The following ADH7 variants were observed in gnomAD, a reference collection of about 807,000 sequenced individuals.
ADH7 encodes all-trans-retinol dehydrogenase [NAD(+)] ADH7.
Under a neutral mutation model 34.4 loss-of-function variants are expected in ADH7, and 41 were observed. That is an observed-to-expected ratio of 1.19 (90% CI 0.93 to 1.55). The LOEUF (loss-of-function observed/expected upper bound fraction) is 1.55. Among genes scored for constraint, ADH7 ranks in the 40% most tolerant of loss-of-function variants. The probability of loss-of-function intolerance (pLI) is 0.00; values close to 1 mark genes in which losing one functional copy is unlikely to be tolerated. For missense variants in ADH7, 540 were observed against 461.2 expected (o/e 1.17, Z -1.56); for synonymous variants, 180 against 160.9 (o/e 1.12, Z -0.90).
chr4:99,432,071 G>A (rs538043480), intron 1 of ADH7, among the ~76,000 whole-genome samples: 13 of 152,100 alleles, frequency 8.5e-5, no homozygotes, highest in Admixed American at 6.6e-4. Context: ...CAACCTAAGC[G>A]CCCATTAATG....
intron 8 of ADH7, 184 bp downstream of exon 8, chr4:99,415,294 T>G (rs1721490484): frequency 1.6e-6 from 1 of 612,786 alleles, no homozygotes; most frequent in Non-Finnish European, 2.6e-6. Context: ...TCGGGCAGTT[T>G]TTTTTTTTTA....
At chr4:99,413,848 A>G (rs1721460416) in intron 8 of ADH7, among the ~76,000 whole-genome samples, 1 of 152,176 alleles carries the variant, frequency 6.6e-6, no homozygotes, top group African/African-American at 2.4e-5. Flanking sequence ...AAGGCTTAGA[A>G]TTGGTTTGTA....
At chr4:99,422,906 T>C (rs1055789139) in intron 5 of ADH7, among the ~76,000 whole-genome samples, 4 of 149,446 alleles carry the variant, frequency 2.7e-5, no homozygotes, top group Non-Finnish European at 4.5e-5. Flanking sequence ...CTTTAAGTTT[T>C]AGGGTACATG....
chr4:99,424,822 C>G (rs1443861916), intron 5 of ADH7, among the ~76,000 whole-genome samples: 8 of 152,090 alleles, frequency 5.3e-5, no homozygotes, highest in Non-Finnish European at 1.0e-4. Context: ...CATCTGCAAA[C>G]AGGGACAATT....
intron 7 of ADH7, 166 bp from the exon 8 acceptor site, chr4:99,415,782 T>C: frequency 1.6e-6 from 1 of 614,866 alleles, no homozygotes; most frequent in Non-Finnish European, 2.6e-6. Context: ...GAAACAAAAG[T>C]TATGCAGCCA....
intron 5 of ADH7, among the ~76,000 whole-genome samples, chr4:99,423,997 T>C (rs1423214294): frequency 2.0e-5 from 3 of 151,796 alleles, no homozygotes; most frequent in Non-Finnish European, 4.4e-5. Flanking sequence ...TCTTCTAGGG[T>C]TTTTATGGTT....
intron 1 of ADH7, 28 bp from the exon 2 acceptor site, chr4:99,429,661 G>A: frequency 5.9e-6 from 9 of 1,531,160 alleles, no homozygotes; most frequent in Non-Finnish European, 8.1e-6. Flanking sequence ...ATTATAATGG[G>A]TCTGAATTAT....
In ADH7 at chr4:99,420,645, G is replaced by T; in HGVS notation, c.713C>A (p.Thr238Asn). Reference protein sequence around the residue: ...KFEKAMAVGATECISPKDSTK... With the variant: ...KFEKAMAVGANECISPKDSTK... ...AGAGTCCTTGGGACTGATACACTCAGTGGCACCTACAGCCATGGCCTTCTC... is the reference window on the plus strand; with the variant it reads ...AGAGTCCTTGGGACTGATACACTCATTGGCACCTACAGCCATGGCCTTCTC... The change falls in exon 6 of 9, where the codon ACT becomes AAT. Residue 238 changes from threonine to asparagine, a missense_variant. Transcript: ENST00000437033. The T allele has an allele frequency of 6.2e-7, 1 of 1,613,936 alleles. No individual in the cohort carries two copies. The highest frequency in any genetic ancestry group is 8.5e-7 in the Non-Finnish European group (1 of 1,179,934).
chr4:99,428,728 C>T (rs1721874537), intron 2 of ADH7, 98 bp from the exon 3 acceptor site: 4 of 1,436,744 alleles, frequency 2.8e-6, no homozygotes, highest in African/African-American at 1.4e-5. Context: ...ATTGTTTAAT[C>T]AATATCTTTG....
At chr4:99,415,935 A>G (rs1200031434) in intron 7 of ADH7, 1 of 186,046 alleles carries the variant, frequency 5.4e-6, no homozygotes, top group Non-Finnish European at 1.1e-5. Context: ...GAACACATGG[A>G]CACAGGGAGG....
intron 5 of ADH7, among the ~76,000 whole-genome samples, chr4:99,423,718 T>C (rs181206544): frequency 0.049 from 7,489 of 152,276 alleles, 272 homozygotes; most frequent in Middle Eastern, 0.082. Flanking sequence ...CACTTTTTGA[T>C]GGGGTTGTTT....
At chr4:99,434,627 CTG>C (rs1722006548) in intron 1 of ADH7, among the ~76,000 whole-genome samples, 1 of 152,004 alleles carries the variant, frequency 6.6e-6, no homozygotes, top group African/African-American at 2.4e-5. Flanking sequence ...TCTGCTAACT[CTG>C]TTGTTTTTAG....
intron 5 of ADH7, among the ~76,000 whole-genome samples, chr4:99,422,647 T>C (rs1457634815): frequency 6.6e-6 from 1 of 152,074 alleles, no homozygotes; most frequent in Non-Finnish European, 1.5e-5. Flanking sequence ...AAATCATAAC[T>C]CTGAGTCATT....
Position 99,413,052 on chromosome 4 carries a change from T to A in ADH7, c.*96A>T. The A allele has an allele frequency of 7.9e-7, 1 of 1,272,690 alleles. No individual in the cohort carries two copies. The highest frequency in any genetic ancestry group is 1.1e-6 in the Non-Finnish European group (1 of 880,134). The allele number at this position is 1,272,690 out of a possible 1,614,324, so 78.8% of individuals were successfully genotyped here. Reference sequence around the variant, plus strand: ...TCAACAAATCTTCTACTTATGCTTGTATTTGTGAGACAGATACATGATTTC... The same window carrying A: ...TCAACAAATCTTCTACTTATGCTTGAATTTGTGAGACAGATACATGATTTC... On this transcript the variant is annotated 3_prime_UTR_variant, in exon 9 of 9. Transcript: ENST00000437033.
At chr4:99,420,006 C>T (rs538730602) in intron 6 of ADH7, among the ~76,000 whole-genome samples, 21 of 152,166 alleles carry the variant, frequency 1.4e-4, no homozygotes, top group Non-Finnish European at 2.4e-4. Flanking sequence ...TCTGGTGCTG[C>T]GGGCTGCCAT....
chr4:99,416,913 G>T (rs1354691066), intron 7 of ADH7, among the ~76,000 whole-genome samples: 2 of 152,086 alleles, frequency 1.3e-5, no homozygotes, highest in Non-Finnish European at 2.9e-5. Flanking sequence ...AATAAATGAT[G>T]ATGGTGACAT....
At position 99,428,105 on chromosome 4, in the gene ADH7, T is replaced by G. The variant is rs778071388; in HGVS notation, c.329A>C (p.Asn110Thr). Residue 110 changes from asparagine to threonine, a missense_variant, in exon 4 of 9, where the codon AAC becomes ACC. By Grantham distance (65) the Asn-to-Thr change is moderately conservative. Transcript: ENST00000437033. ...AACCTACTCGCTCCTAATGCAAAGG[T>G]TGCCATCTGGGTTGCGACAAGCATT... Reference protein sequence around the residue: ...ECNACRNPDGNLCIRSDITGR... With the variant: ...ECNACRNPDGTLCIRSDITGR... 6.2e-7 allele frequency: 1 copy of G among 1,613,960 alleles called. No homozygotes were observed. Among genetic ancestry groups the G allele is most frequent in the Non-Finnish European group, 8.5e-7 (1 of 1,179,894 alleles).
rs781617031 is a variant in ADH7 at position 99,427,762 on chromosome 4, C to A, written c.564+11G>T. On this transcript the variant is annotated intron_variant, in intron 5 of 8. Coordinates refer to ENST00000437033, the MANE Select transcript of ADH7 (RefSeq NM_000673.7). ...AGAAGAACAAATAAACTAGCCTACC[C>A]TGTTTCTTACCTTGCCAGTTTTAAC... The A allele has an allele frequency of 3.3e-6, 5 of 1,506,272 alleles. No homozygotes were observed. The highest frequency in any genetic ancestry group is 2.2e-5 in the Admixed American group (1 of 44,998). 93.3% of individuals were successfully genotyped at this position (1,506,272 alleles called of 1,614,324 possible). A position where few individuals can be genotyped will look rare whatever the true frequency, so the allele number is the denominator to read the frequency against.
rs1227143304 is a variant in ADH7 at position 99,419,009 on chromosome 4, G to A, written c.938C>T (p.Thr313Ile). Residue 313 changes from threonine to isoleucine, a missense_variant, in exon 7 of 9, where the codon ACA (threonine) becomes ATA (isoleucine). Physicochemically the swap from Thr to Ile is moderately conservative, Grantham distance 89. Coordinates refer to ENST00000437033, the MANE Select transcript of ADH7 (RefSeq NM_000673.7). ...ACCTCCAAAGACACATCCCTTCCAT[G>A]TGCGTCCAGTGAAGAGCAACATCGG... ...YDPMLLFTGR[T>I]WKGCVFGGLK... 1.2e-6 allele frequency: 2 copies of A among 1,613,676 alleles called. No individual in the cohort carries two copies. Among genetic ancestry groups the A allele is most frequent in the East Asian group, 2.2e-5 (1 of 44,874 alleles).
Sources: gnomAD v4.1 joint callset for allele counts (sites outside exome capture counted in the v4.1 genomes callset) on GRCh38, gnomAD v4.1.1 for gene constraint, MANE v1.5 for transcripts, NCBI Gene and HGNC (gene_info 2026-07-23, HGNC 2026-07-21) for gene names.